The following DCLK1 variants were observed in gnomAD, a reference collection of about 807,000 sequenced individuals.
DCLK1 encodes the protein serine/threonine-protein kinase DCLK1.
In DCLK1, 16 loss-of-function variants were observed where a neutral mutation model predicts 86.2. The ratio of observed to expected loss-of-function variants is 0.19; its 90% CI spans 0.13 to 0.28. DCLK1 has a LOEUF of 0.28. Ranked by LOEUF, DCLK1 falls within the 10% of genes least tolerant of loss-of-function variation. The pLI, the probability that DCLK1 is intolerant of heterozygous loss-of-function variation, is 1.00. For synonymous variants in DCLK1, 369 were observed against 370.5 expected (o/e 1.00, Z 0.05); for missense variants, 590 against 940.2 (o/e 0.63, Z 4.87).
At chr13:35,805,594 TG>T in intron 15 of DCLK1, 104 bp downstream of exon 15, 1 of 1,167,906 alleles carries the variant, frequency 8.6e-7, no homozygotes, top group Non-Finnish European at 1.2e-6. Context: ...ACACTGCGCC[TG>T]GCCCACAACA....
intron 4 of DCLK1, among the ~76,000 whole-genome samples, chr13:35,905,078 C>G (rs1874604742): frequency 1.3e-5 from 2 of 152,202 alleles, no homozygotes; most frequent in African/African-American, 4.8e-5. Context: ...ACTACTAATG[C>G]CTGGCACAGA....
At chr13:36,013,131 A>C (rs1190564451) in intron 3 of DCLK1, among the ~76,000 whole-genome samples, 24 of 127,916 alleles carry the variant, frequency 1.9e-4, no homozygotes, top group South Asian at 8.3e-4. Flanking sequence ...ACATTCTTCT[A>C]AATTTTTTTC....
At chr13:36,073,350 C>G (rs1203125221) in intron 3 of DCLK1, among the ~76,000 whole-genome samples, 1 of 152,014 alleles carries the variant, frequency 6.6e-6, no homozygotes, top group Non-Finnish European at 1.5e-5. Flanking sequence ...GGATAGATAC[C>G]TAAGTAAACA....
rs1370326616 is a variant in DCLK1, at chr13:35,914,332, A to ATATATATATATACAT, written c.823+33025_823+33026insATGTATATATATATA. ...GAGACCTTATCTCAGAAAAAAAAAA[A>ATATATATATATACAT]ATATATATATATATATACATATATA... On this transcript the variant is annotated intron_variant, in intron 4 of 16. Coordinates refer to ENST00000360631, the MANE Select transcript of DCLK1 (RefSeq NM_001330071.2). 1.3e-3 allele frequency among the ~76,000 whole-genome samples: 98 copies of ATATATATATATACAT among 74,036 alleles called. 4 individuals carry two copies. The highest frequency in any genetic ancestry group is 5.5e-3 in the African/African-American group (95 of 17,404). 48.6% of individuals were successfully genotyped at this position (74,036 alleles called of 152,430 possible).
At chr13:35,819,395 T>C (rs2087341612) in intron 11 of DCLK1, among the ~76,000 whole-genome samples, 1 of 152,140 alleles carries the variant, frequency 6.6e-6, no homozygotes, top group Non-Finnish European at 1.5e-5. Context: ...TTTATGCTGT[T>C]CTATAAGAAT....
Position 35,887,694 on chromosome 13 carries a change from T to C in DCLK1, c.824-16354A>G, listed in dbSNP as rs541495001. Among the ~76,000 whole-genome samples the C allele has an allele frequency of 4.6e-5, 7 of 152,104 alleles. No homozygotes were observed. In the South Asian group the frequency reaches 1.0e-3, roughly 23 times the overall value. ...CTAGGAACTGATCTTGTGAGCATAA[T>C]TTAATCACCTATGTCATGTAGCTAG... On this transcript the variant is annotated intron_variant, in intron 4 of 16. Transcript: ENST00000360631.
intron 4 of DCLK1, among the ~76,000 whole-genome samples, chr13:35,890,289 T>G (rs909903183): frequency 6.6e-6 from 1 of 152,152 alleles, no homozygotes; most frequent in Non-Finnish European, 1.5e-5. Context: ...TGCATACCAG[T>G]ATGTATATGT....
Position 36,003,304 on chromosome 13 carries a change from C to CGT in DCLK1, c.724-55849_724-55848dup, listed in dbSNP as rs139849818. ...CAAAGAATCACAGAACTAGTGCATG[C>CGT]GTGTGTGTGTGTGTGTCTGTGTGAA... On this transcript the variant is annotated intron_variant, in intron 3 of 16. Coordinates refer to ENST00000360631, the MANE Select transcript of DCLK1 (RefSeq NM_001330071.2). Among the ~76,000 whole-genome samples the CGT allele has an allele frequency of 4.4e-4, 67 of 151,392 alleles. 1 individual carries two copies. The highest frequency in any genetic ancestry group is 6.0e-4 in the Non-Finnish European group (41 of 67,782).
At chr13:35,890,937 T>G (rs1319367587) in intron 4 of DCLK1, among the ~76,000 whole-genome samples, 1 of 151,910 alleles carries the variant, frequency 6.6e-6, no homozygotes, top group Admixed American at 6.6e-5. Flanking sequence ...TTATGAAATG[T>G]AGTCTTTTGT....
At chr13:36,074,731 C>T (rs1408001935) in intron 3 of DCLK1, among the ~76,000 whole-genome samples, 1 of 152,142 alleles carries the variant, frequency 6.6e-6, no homozygotes, top group Non-Finnish European at 1.5e-5. Flanking sequence ...ATCCTTCAGG[C>T]TGAAAATCAA....
At chr13:36,123,034 G>A (rs1886048010) in intron 2 of DCLK1, among the ~76,000 whole-genome samples, 1 of 152,236 alleles carries the variant, frequency 6.6e-6, no homozygotes, top group Admixed American at 6.5e-5. Flanking sequence ...CTGAGAGCAA[G>A]TGAGAAAGAG....
rs190453939 is a variant in DCLK1, at chr13:36,057,663, G to C, written c.723+54206C>G. ...GTAGTTTCAGCCTGTGCAGGGTTCA[G>C]TTGAGGTTCAGATTCAGGATATTAA... On this transcript the variant is annotated intron_variant, in intron 3 of 16. Coordinates refer to ENST00000360631, the MANE Select transcript of DCLK1 (RefSeq NM_001330071.2). Among the ~76,000 whole-genome samples the C allele has an allele frequency of 9.1e-4, 138 of 152,278 alleles. 2 individuals carry two copies. The highest frequency in any genetic ancestry group is 3.4e-4 in the Non-Finnish European group (23 of 68,016).
At chr13:35,886,124 G>A (rs1366501470) in intron 4 of DCLK1, among the ~76,000 whole-genome samples, 1 of 149,658 alleles carries the variant, frequency 6.7e-6, no homozygotes, top group African/African-American at 2.5e-5. Flanking sequence ...CGATTCTCCT[G>A]CCTCAGCCTC....
chr13:36,019,515 G>A (rs1881680362), intron 3 of DCLK1, among the ~76,000 whole-genome samples: 1 of 152,160 alleles, frequency 6.6e-6, no homozygotes, highest in African/African-American at 2.4e-5. Flanking sequence ...ATGCATCAAT[G>A]TGTTTAAGCT....
intron 5 of DCLK1, among the ~76,000 whole-genome samples, 199 bp downstream of exon 5, chr13:35,871,025 T>C (rs1872238224): frequency 6.6e-6 from 1 of 152,210 alleles, no homozygotes; most frequent in Non-Finnish European, 1.5e-5. Flanking sequence ...ACTAAGTACA[T>C]TTTTTGAAGC....
chr13:35,968,886 T>G (rs1041643829), intron 3 of DCLK1, among the ~76,000 whole-genome samples: 1 of 152,178 alleles, frequency 6.6e-6, no homozygotes, highest in Admixed American at 6.6e-5. Flanking sequence ...TTCTCAGGAC[T>G]GTACCGACCT....
intron 4 of DCLK1, among the ~76,000 whole-genome samples, chr13:35,889,016 A>G (rs1873470700): frequency 6.6e-6 from 1 of 152,212 alleles, no homozygotes; most frequent in Admixed American, 6.5e-5. Flanking sequence ...ATATTAGCAG[A>G]GATGTATTTA....
At chr13:36,124,195 T>C (rs1206474160) in intron 2 of DCLK1, among the ~76,000 whole-genome samples, 1 of 152,216 alleles carries the variant, frequency 6.6e-6, no homozygotes, top group Non-Finnish European at 1.5e-5. Context: ...ATAACTTTTA[T>C]CCAGATCCCC....
intron 3 of DCLK1, among the ~76,000 whole-genome samples, chr13:35,988,874 G>A (rs188273391): frequency 4.6e-5 from 7 of 152,200 alleles, no homozygotes; most frequent in African/African-American, 1.7e-4. Context: ...AGCCCAGAAC[G>A]TTTCAGGAGA....
Sources: allele counts gnomAD v4.1 joint callset (sites outside exome capture counted in the v4.1 genomes callset), GRCh38; gene constraint gnomAD v4.1.1; transcripts MANE v1.5; gene names NCBI Gene and HGNC (gene_info 2026-07-23, HGNC 2026-07-21).